BICD1: variants seen among roughly 807,000 people sequenced by gnomAD.
BICD1 encodes the protein BICD cargo adaptor 1, also known as protein bicaudal D homolog 1.
In BICD1, 35 loss-of-function variants were observed where a neutral mutation model predicts 92.5. That is an observed-to-expected ratio of 0.38 (90% CI 0.29 to 0.50). The LOEUF (loss-of-function observed/expected upper bound fraction) is 0.50, where lower values mean the gene tolerates loss of function less well. Among genes scored for constraint, BICD1 ranks in the 20% least tolerant of loss-of-function variants. The probability of loss-of-function intolerance (pLI) is 0.93; values close to 1 mark genes in which losing one functional copy is unlikely to be tolerated. For synonymous variants in BICD1, 429 were observed against 465.1 expected, an observed-to-expected ratio of 0.92 and a Z score of 1.00; for missense variants, 950 against 1,189.8, an observed-to-expected ratio of 0.80 and a Z score of 2.97.
intron 9 of BICD1, among the ~76,000 whole-genome samples, chr12:32,372,842 G>A (rs573612061): frequency 3.9e-5 from 6 of 152,232 alleles, no homozygotes; most frequent in South Asian, 2.1e-4. Flanking sequence ...GTGCCACTGC[G>A]CTCCGGCCTG....
chr12:32,346,303 G>C (rs1156707083), intron 8 of BICD1, among the ~76,000 whole-genome samples: 5 of 151,052 alleles, frequency 3.3e-5, no homozygotes, highest in Admixed American at 6.6e-5. Flanking sequence ...GATCCCTTGA[G>C]GCCAAGAGTT....
chr12:32,252,742 T>C (rs558035700), intron 2 of BICD1, among the ~76,000 whole-genome samples: 2 of 152,346 alleles, frequency 1.3e-5, no homozygotes, highest in South Asian at 4.1e-4. Flanking sequence ...GTGTCAGTCC[T>C]GTGAGAGCTT....
At chr12:32,362,612 T>TGACTC (rs1939371699) in intron 8 of BICD1, among the ~76,000 whole-genome samples, 1 of 152,366 alleles carries the variant, frequency 6.6e-6, no homozygotes, top group East Asian at 1.9e-4. Context: ...TCTGTTTCTT[T>TGACTC]GACTCTATGA....
chr12:32,316,674 T>C (rs1338935990), intron 4 of BICD1, among the ~76,000 whole-genome samples: 1 of 152,078 alleles, frequency 6.6e-6, no homozygotes, highest in Non-Finnish European at 1.5e-5. Flanking sequence ...AGCATCTGTA[T>C]ACATTTTGCA....
At chr12:32,211,077 C>G (rs1039866073) in intron 1 of BICD1, among the ~76,000 whole-genome samples, 4 of 152,160 alleles carry the variant, frequency 2.6e-5, no homozygotes, top group Non-Finnish European at 4.4e-5. Flanking sequence ...GGAGTGTTTT[C>G]TCCTTCACCC....
chr12:32,117,997 G>T (rs2121201521), intron 1 of BICD1, among the ~76,000 whole-genome samples: 1 of 151,588 alleles, frequency 6.6e-6, no homozygotes, highest in East Asian at 1.9e-4. Flanking sequence ...TGATCTGCTC[G>T]CCTCGGCCTC....
Position 32,288,428 on chromosome 12 carries a change from A to G in BICD1, c.427-5566A>G, listed in dbSNP as rs545457058. ...GGCATGTTCTTTTTTTGTACAAAAT[A>G]ATCTTCTGGATGGGGCTCACCATGT... On this transcript the variant is annotated intron_variant, in intron 2 of 9. Transcript: ENST00000652176. 1.6e-3 allele frequency among the ~76,000 whole-genome samples: 247 copies of G among 151,950 alleles called. 2 individuals are homozygous for G. The highest frequency in any genetic ancestry group is 5.8e-3 in the African/African-American group (239 of 41,464).
intron 4 of BICD1, among the ~76,000 whole-genome samples, chr12:32,311,547 A>T (rs756903683): frequency 2.6e-5 from 4 of 152,202 alleles, no homozygotes; most frequent in Non-Finnish European, 4.4e-5. Context: ...GAAAGGTGGG[A>T]CAGCTCACAG....
chr12:32,266,198 C>A (rs1455022233), intron 2 of BICD1, among the ~76,000 whole-genome samples: 3 of 152,120 alleles, frequency 2.0e-5, no homozygotes, highest in Non-Finnish European at 2.9e-5. Flanking sequence ...TAGAAACCTG[C>A]AGCAATGGTG....
intron 4 of BICD1, among the ~76,000 whole-genome samples, chr12:32,321,993 C>T (rs954166359): frequency 9.2e-5 from 14 of 152,000 alleles, no homozygotes; most frequent in African/African-American, 2.7e-4. Context: ...AGTGAGACTC[C>T]GTCTCAAAAA....
intron 2 of BICD1, among the ~76,000 whole-genome samples, chr12:32,233,714 A>G (rs988996945): frequency 4.6e-5 from 7 of 152,108 alleles, no homozygotes; most frequent in African/African-American, 1.2e-4. Context: ...CTCCCACCCT[A>G]AGTTCAGGTT....
chr12:32,332,337 A>T (rs1937914724), intron 5 of BICD1: 1 of 543,798 alleles, frequency 1.8e-6, no homozygotes. Flanking sequence ...ACATTTACCT[A>T]TGTAACAAAC....
intron 8 of BICD1, among the ~76,000 whole-genome samples, chr12:32,366,676 G>C (rs1405424570): frequency 6.6e-6 from 1 of 152,146 alleles, no homozygotes; most frequent in Non-Finnish European, 1.5e-5. Flanking sequence ...CACATATAAG[G>C]AAAGGGATTT....
At chr12:32,298,707 C>T (rs1947950353) in intron 3 of BICD1, among the ~76,000 whole-genome samples, 2 of 144,696 alleles carry the variant, frequency 1.4e-5, no homozygotes, top group Non-Finnish European at 3.0e-5. Flanking sequence ...CCCGTCTCTA[C>T]TAAAAATACA....
Position 32,319,123 on chromosome 12 carries a change from A to G in BICD1, c.1006-8338A>G, listed in dbSNP as rs138030927. ...TTTTACTTTTTTCTTTCCAATCTCA[A>G]TACCTTTTATTTGATTTTCTCACCT... On this transcript the variant is annotated intron_variant, in intron 4 of 9. Transcript: ENST00000652176. Among the ~76,000 whole-genome samples the G allele has an allele frequency of 3.3e-3, 498 of 152,220 alleles. 3 individuals are homozygous for G. The highest frequency in any genetic ancestry group is 5.6e-3 in the Non-Finnish European group (384 of 68,012).
chr12:32,202,801 G>T (rs538852743), intron 1 of BICD1, among the ~76,000 whole-genome samples: 20 of 152,250 alleles, frequency 1.3e-4, no homozygotes, highest in African/African-American at 4.6e-4. Context: ...TGTAGAGATG[G>T]GGTCTCGCCA....
chr12:32,311,754 C>A (rs866427270), intron 4 of BICD1, among the ~76,000 whole-genome samples: 6 of 152,082 alleles, frequency 3.9e-5, no homozygotes, highest in Non-Finnish European at 7.4e-5. Context: ...TTTCTTATTG[C>A]ACTTAGAAGG....
intron 1 of BICD1, among the ~76,000 whole-genome samples, chr12:32,205,663 C>T (rs1945029685): frequency 8.2e-6 from 1 of 121,854 alleles, no homozygotes; most frequent in East Asian, 2.4e-4. Context: ...GATTTTACAG[C>T]TTTGTTGATG....
intron 8 of BICD1, among the ~76,000 whole-genome samples, chr12:32,354,590 T>C (rs780502999): frequency 7.9e-5 from 12 of 152,206 alleles, no homozygotes; most frequent in Non-Finnish European, 1.5e-4. Context: ...TTTCACCCGA[T>C]AAGTCAGAAA....
Sources: gnomAD v4.1 joint callset for allele counts (sites outside exome capture counted in the v4.1 genomes callset) on GRCh38, gnomAD v4.1.1 for gene constraint, MANE v1.5 for transcripts, NCBI Gene and HGNC (gene_info 2026-07-23, HGNC 2026-07-21) for gene names.